RETREG3: variants seen among roughly 807,000 people sequenced by gnomAD.
The protein encoded by RETREG3 is reticulophagy regulator 3.
RETREG3 carries 23 observed loss-of-function variants against 50.2 expected under a neutral mutation model. That is an observed-to-expected ratio of 0.46 (90% CI 0.33 to 0.65). RETREG3 has a LOEUF of 0.65. Ranked by LOEUF, RETREG3 falls within the 30% of genes least tolerant of loss-of-function variation. The pLI, the probability that RETREG3 is intolerant of heterozygous loss-of-function variation, is 0.02. For synonymous variants in RETREG3, 240 were observed against 234.4 expected, an observed-to-expected ratio of 1.02 and a Z score of -0.22; for missense variants, 546 against 598.0, an observed-to-expected ratio of 0.91 and a Z score of 0.91.
chr17:42,582,998 TAAC>T (rs1221568013), intron 7 of RETREG3, among the ~76,000 whole-genome samples, 192 bp from the exon 8 acceptor site: 16 of 151,778 alleles, frequency 1.1e-4, no homozygotes, highest in South Asian at 2.1e-4. Flanking sequence ...CATGTGAAAG[TAAC>T]AACAACAAAA....
intron 6 of RETREG3, 26 bp downstream of exon 6, chr17:42,585,099 G>T (rs4792992): frequency 6.2e-7 from 1 of 1,606,982 alleles, no homozygotes; most frequent in Non-Finnish European, 8.5e-7. Flanking sequence ...TTGCGTAAGT[G>T]GAAAGAATGA....
In RETREG3 at chr17:42,598,203, G is replaced by A. The variant is rs527885306; in HGVS notation, c.240-6041C>T. ...TTACCATGTTAGCTAGGATTGTCTCGATCTCCTGACCTCATGATCCACCCG... is the reference window on the plus strand; with the variant it reads ...TTACCATGTTAGCTAGGATTGTCTCAATCTCCTGACCTCATGATCCACCCG... On this transcript the variant is annotated intron_variant, in intron 1 of 8. Transcript: ENST00000309428. Among the ~76,000 whole-genome samples the A allele has an allele frequency of 1.6e-4, 24 of 149,414 alleles. 1 individual carries two copies. Among genetic ancestry groups the A allele is most frequent in the Admixed American group, 4.0e-4 (6 of 14,948 alleles).
intron 1 of RETREG3, 43 bp downstream of exon 1, chr17:42,609,043 G>A: frequency 6.3e-7 from 1 of 1,578,188 alleles, no homozygotes; most frequent in Non-Finnish European, 8.6e-7. Context: ...AGGAACCAAC[G>A]AATTCGGGAC....
intron 4 of RETREG3, 26 bp downstream of exon 4, chr17:42,586,739 G>C (rs754319953): frequency 6.2e-7 from 1 of 1,611,192 alleles, no homozygotes; most frequent in East Asian, 2.2e-5. Flanking sequence ...GGCCAGAGAT[G>C]AAAGTGAAAA....
At chr17:42,593,899 A>G (rs951431488) in intron 1 of RETREG3, among the ~76,000 whole-genome samples, 3 of 152,124 alleles carry the variant, frequency 2.0e-5, no homozygotes, top group Non-Finnish European at 4.4e-5. Context: ...AACATGAACT[A>G]TAGAGCCCTG....
At chr17:42,592,296 T>C in intron 1 of RETREG3, 134 bp from the exon 2 acceptor site, 1 of 644,682 alleles carries the variant, frequency 1.6e-6, no homozygotes, top group Non-Finnish European at 2.7e-6. Flanking sequence ...ACTTAACTAG[T>C]TATACACCTA....
At chr17:42,591,807 T>C (rs1597736265) in intron 2 of RETREG3, among the ~76,000 whole-genome samples, 1 of 152,318 alleles carries the variant, frequency 6.6e-6, no homozygotes, top group African/African-American at 2.4e-5. Flanking sequence ...GGCCATTATG[T>C]TGGCAAAAAT....
intron 1 of RETREG3, among the ~76,000 whole-genome samples, chr17:42,596,788 T>C (rs1309615871): frequency 2.0e-5 from 3 of 152,136 alleles, no homozygotes; most frequent in African/African-American, 7.2e-5. Context: ...TAAGAGAACA[T>C]TAATATTAAT....
intron 6 of RETREG3, 118 bp downstream of exon 6, chr17:42,585,007 C>A (rs1320352162): frequency 1.6e-6 from 2 of 1,265,104 alleles, no homozygotes; most frequent in Non-Finnish European, 1.1e-6. Context: ...TCAATCCTCA[C>A]CCCCACCAAC....
intron 8 of RETREG3, 129 bp from the exon 9 acceptor site, chr17:42,582,399 T>G: frequency 4.4e-6 from 4 of 913,468 alleles, no homozygotes; most frequent in Non-Finnish European, 4.9e-6. Context: ...TGGTATACCT[T>G]TCCCCTCCAC....
At chr17:42,584,610 G>A (rs868578133) in intron 6 of RETREG3, among the ~76,000 whole-genome samples, 8 of 152,082 alleles carry the variant, frequency 5.3e-5, no homozygotes, top group African/African-American at 1.4e-4. Context: ...AGGAGTTCAG[G>A]ATCAGCCTGG....
Position 42,609,303 on chromosome 17 carries a change from G to A in RETREG3, c.22C>T (p.Pro8Ser), listed in dbSNP as rs1308800913. 4 of 1,601,346 alleles carry A rather than the reference G, an allele frequency of 2.5e-6. No homozygotes were observed. Among genetic ancestry groups the A allele is most frequent in the Non-Finnish European group, 3.4e-6 (4 of 1,179,576 alleles). MAEAEGV[P>S]TTPGPASGST... ...CCCGAAGCCGGGCCTGGGGTCGTGGGAACCCCTTCGGCCTCAGCCATCTCC... is the reference window on the plus strand; with the variant it reads ...CCCGAAGCCGGGCCTGGGGTCGTGGAAACCCCTTCGGCCTCAGCCATCTCC... The change falls in exon 1 of 9, where the codon CCC becomes TCC. Residue 8 changes from proline to serine, a missense_variant. Transcript: ENST00000309428.
intron 7 of RETREG3, 64 bp downstream of exon 7, chr17:42,583,434 G>T: frequency 6.6e-7 from 1 of 1,516,316 alleles, no homozygotes; most frequent in Middle Eastern, 1.7e-4. Flanking sequence ...AATGTGAGCT[G>T]TCGGATGGTT....
chr17:42,589,296 C>T (rs535900667), intron 2 of RETREG3, among the ~76,000 whole-genome samples: 101 of 151,480 alleles, frequency 6.7e-4, no homozygotes, highest in Admixed American at 1.2e-3. Context: ...AATTAACCTG[C>T]CTAAAATCTA....
chr17:42,582,718 A>C lies in RETREG3; in HGVS notation c.899T>G (p.Phe300Cys). The change falls in exon 8 of 9, where the codon TTC becomes TGC. Residue 300 changes from phenylalanine to cysteine, a missense_variant. By Grantham distance (205) the Phe-to-Cys change is radical (BLOSUM62 -2). Coordinates refer to ENST00000309428, the MANE Select transcript of RETREG3 (RefSeq NM_178126.4). Reference protein sequence around the residue: ...AEVSCTDNGTFNLSRGQTPLT... With the variant: ...AEVSCTDNGTCNLSRGQTPLT... ...AGGTGTTTGGCCCCTTGAAAGATTGAATGTGCCATTGTCTGTACAGGAGAC... is the reference window on the plus strand; with the variant it reads ...AGGTGTTTGGCCCCTTGAAAGATTGCATGTGCCATTGTCTGTACAGGAGAC... The C allele has an allele frequency of 1.2e-6, 2 of 1,614,208 alleles. No individual in the cohort carries two copies. The highest frequency in any genetic ancestry group is 1.7e-6 in the Non-Finnish European group (2 of 1,180,028).
intron 3 of RETREG3, among the ~76,000 whole-genome samples, chr17:42,587,336 C>G (rs764559728): frequency 9.9e-5 from 15 of 152,160 alleles, no homozygotes; most frequent in South Asian, 2.1e-4. Context: ...TAAACCACAG[C>G]AGAGAAAATT....
chr17:42,586,296 G>T, intron 4 of RETREG3, 159 bp from the exon 5 acceptor site: 1 of 654,176 alleles, frequency 1.5e-6, no homozygotes. Context: ...GGGAAGAAAA[G>T]GAGCATGTCC....
At chr17:42,606,753 C>T (rs952469249) in intron 1 of RETREG3, among the ~76,000 whole-genome samples, 1 of 152,072 alleles carries the variant, frequency 6.6e-6, no homozygotes, top group Non-Finnish European at 1.5e-5. Context: ...CCCAGCACAT[C>T]GGGAGGCTGA....
chr17:42,601,465 C>G (rs563067276), intron 1 of RETREG3, among the ~76,000 whole-genome samples: 1 of 147,424 alleles, frequency 6.8e-6, no homozygotes, highest in South Asian at 2.2e-4. Flanking sequence ...CCCAGCTACT[C>G]GGGAGGCTGA....
Sources: allele counts gnomAD v4.1 joint callset (sites outside exome capture counted in the v4.1 genomes callset), GRCh38; gene constraint gnomAD v4.1.1; transcripts MANE v1.5; gene names NCBI Gene and HGNC (gene_info 2026-07-23, HGNC 2026-07-21).